Variants in DLGAP5 observed in about 807,000 individuals in gnomAD.
DLGAP5 encodes DLG associated protein 5.
In DLGAP5, 90 loss-of-function variants were observed where a neutral mutation model predicts 99.6. The ratio of observed to expected loss-of-function variants is 0.90; its 90% CI spans 0.76 to 1.08. The LOEUF is 1.08. Among genes scored for constraint, DLGAP5 ranks in the 50% least tolerant of loss-of-function variants. The pLI, the probability that DLGAP5 is intolerant of heterozygous loss-of-function variation, is 0.00. For missense variants in DLGAP5, 1,036 were observed against 983.5 expected (o/e 1.05, Z -0.71); for synonymous variants, 311 against 321.3 (o/e 0.97, Z 0.34).
At chr14:55,154,388 TTTC>T (rs1882128435) in intron 15 of DLGAP5, among the ~76,000 whole-genome samples, 1 of 152,246 alleles carries the variant, frequency 6.6e-6, no homozygotes, top group African/African-American at 2.4e-5. Context: ...TATTGCTTCT[TTTC>T]TTCTTACTGC....
chr14:55,152,591 T>C lies in DLGAP5; in HGVS notation c.2120A>G (p.His707Arg). The C allele has an allele frequency of 6.2e-7, 1 of 1,601,260 alleles. No individual in the cohort carries two copies. ...PGLPDLIEEN[H>R]VVNKTDLKVD... ...TAACCACACTGGAATTGTACTTACATGATTTTCTTCAATTAAATCTGGTAA... is the reference window on the plus strand; with the variant it reads ...TAACCACACTGGAATTGTACTTACACGATTTTCTTCAATTAAATCTGGTAA... Residue 707 changes from histidine (H) to arginine (R), a missense_variant and splice_region_variant, in exon 16 of 19, where the codon CAT becomes CGT. By Grantham distance (29) the His-to-Arg change is conservative (BLOSUM62 0). Transcript: ENST00000247191.
chr14:55,161,857 A>T (rs555843295), intron 13 of DLGAP5, among the ~76,000 whole-genome samples: 17 of 142,654 alleles, frequency 1.2e-4, no homozygotes, highest in African/African-American at 4.3e-4. Context: ...CTGGGCAAAA[A>T]GAGCCAAACT....
intron 10 of DLGAP5, 26 bp downstream of exon 10, chr14:55,175,320 C>T: frequency 1.9e-6 from 3 of 1,592,362 alleles, no homozygotes; most frequent in Non-Finnish European, 2.6e-6. Context: ...ATACAAAATT[C>T]TTACACTAGA....
intron 7 of DLGAP5, among the ~76,000 whole-genome samples, chr14:55,178,813 G>A (rs1170767543): frequency 2.0e-5 from 3 of 152,174 alleles, no homozygotes; most frequent in East Asian, 1.9e-4. Context: ...TTGGGAGGCC[G>A]AAGTAGGTGG....
chr14:55,180,818 A>C, intron 5 of DLGAP5, 40 bp from the exon 6 acceptor site: 1 of 1,610,716 alleles, frequency 6.2e-7, no homozygotes, highest in Non-Finnish European at 8.5e-7. Flanking sequence ...TGTCCCTTGT[A>C]GTTATGAAAT....
rs538608999 is a variant in DLGAP5, at chr14:55,162,418, G to C, written c.1653+553C>G. Among the ~76,000 whole-genome samples, 10 of 152,168 alleles carry C rather than the reference G, an allele frequency of 6.6e-5. No homozygotes were observed. The East Asian group carries it at 1.9e-3, about 29-fold the overall frequency. On this transcript the variant is annotated intron_variant, in intron 13 of 18. Coordinates refer to ENST00000247191, the MANE Select transcript of DLGAP5 (RefSeq NM_014750.5). ...GTGGATCATGAGGTCAGCAGATGGA[G>C]ACCATCCTGGCTAACACAGTGAAAC... is the stretch of plus-strand genomic sequence containing the variant.
intron 16 of DLGAP5, among the ~76,000 whole-genome samples, chr14:55,152,385 AT>A (rs1882048886): frequency 6.6e-6 from 1 of 152,232 alleles, no homozygotes; most frequent in South Asian, 2.1e-4. Flanking sequence ...CACTGGTTCC[AT>A]ATTCATTCTG....
At chr14:55,175,862 T>TA in intron 9 of DLGAP5, 32 bp downstream of exon 9, 1 of 1,499,662 alleles carries the variant, frequency 6.7e-7, no homozygotes, top group Non-Finnish European at 8.9e-7. Context: ...AACATTATTC[T>TA]AAAAAATGAA....
chr14:55,152,766 T>C (rs989317274), intron 15 of DLGAP5, 119 bp from the exon 16 acceptor site: 13 of 794,204 alleles, frequency 1.6e-5, no homozygotes, highest in Admixed American at 1.6e-4. Flanking sequence ...ACATGGAGCC[T>C]GGTGCAAGAT....
intron 8 of DLGAP5, 66 bp from the exon 9 acceptor site, chr14:55,176,084 C>A: frequency 7.2e-7 from 1 of 1,381,732 alleles, no homozygotes; most frequent in East Asian, 2.4e-5. Context: ...TAAAGGGTTT[C>A]AAAATTGTGT....
chr14:55,180,982 T>C (rs1254398577), intron 5 of DLGAP5, among the ~76,000 whole-genome samples: 1 of 152,094 alleles, frequency 6.6e-6, no homozygotes, highest in Non-Finnish European at 1.5e-5. Flanking sequence ...CTGGGCATGG[T>C]GGCAAGTCTG....
intron 18 of DLGAP5, 133 bp from the exon 19 acceptor site, chr14:55,148,606 C>A (rs762991110): frequency 1.9e-6 from 3 of 1,539,536 alleles, no homozygotes; most frequent in South Asian, 2.4e-5. Context: ...GTAGTCCCAG[C>A]TACTCGGGAG....
intron 3 of DLGAP5, among the ~76,000 whole-genome samples, chr14:55,182,992 C>G (rs1883324241): frequency 1.3e-5 from 2 of 152,082 alleles, no homozygotes; most frequent in African/African-American, 4.8e-5. Flanking sequence ...TAAGCTTGTT[C>G]CTTATCTTCC....
Position 55,183,733 on chromosome 14 carries a change from C to G in DLGAP5, c.259G>C (p.Gly87Arg), listed in dbSNP as rs1883346251. Residue 87 changes from glycine (G) to arginine (R), a missense_variant, in exon 3 of 19, where the codon GGT becomes CGT. Coordinates refer to ENST00000247191, the MANE Select transcript of DLGAP5 (RefSeq NM_014750.5). The stretch of plus-strand genomic sequence containing the variant: ...TGGAGCATCTGTTTTCGTTGATCAC[C>G]TAGAATAGTTTTCATTGCCCCTAGG... Reference protein sequence around the residue: ...VKPRAMKTILGDQRKQMLQKY... With the variant: ...VKPRAMKTILRDQRKQMLQKY... 2.5e-6 allele frequency: 4 copies of G among 1,596,686 alleles called. No homozygotes were observed. The highest frequency in any genetic ancestry group is 2.7e-5 in the African/African-American group (2 of 73,838).
chr14:55,153,540 CA>C (rs34557020), intron 15 of DLGAP5, among the ~76,000 whole-genome samples: 70,301 of 134,898 alleles, frequency 0.52, 18,244 homozygotes, highest in African/African-American at 0.72. Context: ...CACTCCGTCT[CA>C]AAAAAAAAAA....
intron 12 of DLGAP5, among the ~76,000 whole-genome samples, chr14:55,165,609 T>C (rs1882613323): frequency 6.6e-6 from 1 of 152,056 alleles, no homozygotes; most frequent in African/African-American, 2.4e-5. Context: ...TTCCCCCTTA[T>C]CTTCAAAGAA....
chr14:55,189,155 G>T lies in DLGAP5; in HGVS notation c.25C>A (p.Arg9=). 6.2e-7 allele frequency: 1 copy of T among 1,612,698 alleles called. No homozygotes were observed. The highest frequency in any genetic ancestry group is 1.1e-5 in the South Asian group (1 of 90,718). Residue 9 remains arginine (R), a synonymous_variant, in exon 2 of 19, where the codon CGA becomes AGA. Coordinates refer to ENST00000247191, the MANE Select transcript of DLGAP5 (RefSeq NM_014750.5). MSSSHFAS[R]HRKDISTEMI... ...TCAGTACTTATATCCTTCCTGTGTC[G>T]ACTGGCAAAATGTGATGAAGACATC...
intron 2 of DLGAP5, among the ~76,000 whole-genome samples, chr14:55,187,466 G>C (rs1883471308): frequency 6.6e-6 from 1 of 150,874 alleles, no homozygotes; most frequent in African/African-American, 2.4e-5. Flanking sequence ...TTACAGGTGT[G>C]TGTCACCACA....
chr14:55,150,118 G>T (rs114065733), intron 18 of DLGAP5, among the ~76,000 whole-genome samples: 1,685 of 151,608 alleles, frequency 0.011, 32 homozygotes, highest in African/African-American at 0.039. Context: ...CAGCAGGAAA[G>T]AGAGCACTAT....
Sources: gnomAD v4.1 joint callset for allele counts (sites outside exome capture counted in the v4.1 genomes callset) on GRCh38, gnomAD v4.1.1 for gene constraint, MANE v1.5 for transcripts, NCBI Gene and HGNC (gene_info 2026-07-23, HGNC 2026-07-21) for gene names.